Variants in ZNF410 observed in about 807,000 individuals in gnomAD.
The protein encoded by ZNF410 is zinc finger protein 410.
A neutral mutation model predicts 54.8 loss-of-function variants in ZNF410; 18 were observed. That is an observed-to-expected ratio of 0.33 (90% CI 0.23 to 0.49). The LOEUF is 0.49. ZNF410 is among the 20% of genes least tolerant of loss of function. ZNF410 has a pLI of 0.99. For synonymous variants in ZNF410, 191 were observed against 207.3 expected, an observed-to-expected ratio of 0.92 and a Z score of 0.68; for missense variants, 405 against 569.6, an observed-to-expected ratio of 0.71 and a Z score of 2.94.
intron 5 of ZNF410, chr14:73,898,484 G>A (rs956430340): frequency 1.2e-5 from 7 of 577,796 alleles, no homozygotes; most frequent in Non-Finnish European, 2.1e-5. Flanking sequence ...TTTAAATAAT[G>A]TACAGAGCCC....
At chr14:73,925,297 T>C (rs1184862657) in intron 11 of ZNF410, among the ~76,000 whole-genome samples, 1 of 152,196 alleles carries the variant, frequency 6.6e-6, no homozygotes, top group African/African-American at 2.4e-5. Context: ...ATTTTTCTTG[T>C]CTTCATTTTT....
chr14:73,905,228 G>T (rs909027339), intron 7 of ZNF410, 145 bp downstream of exon 7: 11 of 776,716 alleles, frequency 1.4e-5, no homozygotes, highest in Non-Finnish European at 2.2e-5. Flanking sequence ...TTTTTCAAAT[G>T]ACTTGTTGCA....
At chr14:73,920,268 T>A (rs1485074507) in intron 8 of ZNF410, 2 of 152,144 alleles carry the variant, frequency 1.3e-5, no homozygotes, top group Admixed American at 1.3e-4. Flanking sequence ...TACTTAAAAA[T>A]CCTTATTTCC....
At chr14:73,901,933 CAA>C (rs200015374) in intron 5 of ZNF410, among the ~76,000 whole-genome samples, 5 of 126,312 alleles carry the variant, frequency 4.0e-5, no homozygotes, top group African/African-American at 3.0e-5. Flanking sequence ...GACCCTGTCT[CAA>C]AAAAAAAAAA....
intron 7 of ZNF410, among the ~76,000 whole-genome samples, chr14:73,908,864 GTC>G (rs754706987): frequency 2.0e-5 from 3 of 151,926 alleles, no homozygotes; most frequent in African/African-American, 4.8e-5. Flanking sequence ...TTGAGACAGG[GTC>G]TCTCTCTCTG....
intron 8 of ZNF410, chr14:73,914,373 C>T (rs1029960896): frequency 6.6e-6 from 1 of 152,306 alleles, no homozygotes; most frequent in Non-Finnish European, 1.5e-5. Flanking sequence ...GGGTTTTCAC[C>T]ATGTTGGCCA....
At chr14:73,919,651 G>C (rs2055724978) in intron 8 of ZNF410, among the ~76,000 whole-genome samples, 1 of 152,192 alleles carries the variant, frequency 6.6e-6, no homozygotes, top group African/African-American at 2.4e-5. Context: ...GTATTTCATG[G>C]TGTGTATGTG....
chr14:73,895,062 A>G (rs1488044454), intron 3 of ZNF410, among the ~76,000 whole-genome samples: 1 of 152,112 alleles, frequency 6.6e-6, no homozygotes, highest in Non-Finnish European at 1.5e-5. Flanking sequence ...AGGTGGGAAG[A>G]TCACTTGAGC....
At chr14:73,922,829 G>A (rs1017351467) in intron 10 of ZNF410, 4 of 152,206 alleles carry the variant, frequency 2.6e-5, no homozygotes, top group Non-Finnish European at 5.9e-5. Flanking sequence ...AGAACATTGA[G>A]TACATAAAAG....
rs1183667131 is a variant in ZNF410 at position 73,903,760 on chromosome 14, C to T, written c.581-200C>T. 24 of 666,056 alleles carry T rather than the reference C, an allele frequency of 3.6e-5. No individual in the cohort carries two copies. In the Middle Eastern group the frequency reaches 1.3e-3, roughly 35 times the overall value. 41.3% of individuals were successfully genotyped at this position (666,056 alleles called of 1,614,324 possible). On this transcript the variant is annotated intron_variant, in intron 5 of 11. Transcript: ENST00000555044. ...AAGCAGTCCTCCCACCTTGGCTTCC[C>T]AAAGTGCTTGGGATTATAGGTGTGA...
chr14:73,915,296 G>A (rs2055647645), intron 8 of ZNF410, among the ~76,000 whole-genome samples: 1 of 147,188 alleles, frequency 6.8e-6, no homozygotes, highest in South Asian at 2.1e-4. Flanking sequence ...ACGTATCCTT[G>A]TCTTTTTCCC....
At chr14:73,896,693 AGG>A in intron 4 of ZNF410, 159 bp downstream of exon 4, 1 of 626,544 alleles carries the variant, frequency 1.6e-6, no homozygotes, top group Non-Finnish European at 2.7e-6. Flanking sequence ...GTAGAGGGAG[AGG>A]GAGGACTCTA....
chr14:73,901,653 C>T (rs748372857), intron 5 of ZNF410, among the ~76,000 whole-genome samples: 27 of 150,398 alleles, frequency 1.8e-4, no homozygotes, highest in Non-Finnish European at 1.9e-4. Context: ...TTTTTTTGGC[C>T]GGTGCAGTGG....
intron 1 of ZNF410, among the ~76,000 whole-genome samples, chr14:73,890,635 T>C (rs552043886): frequency 6.6e-6 from 1 of 152,310 alleles, no homozygotes; most frequent in African/African-American, 2.4e-5. Flanking sequence ...TGCTCCCAAT[T>C]TTAGTAACAA....
At chr14:73,891,835 A>G (rs2055234805) in intron 1 of ZNF410, 192 bp from the exon 2 acceptor site, 4 of 583,274 alleles carry the variant, frequency 6.9e-6, no homozygotes, top group Non-Finnish European at 1.2e-5. Flanking sequence ...GAAATACTGC[A>G]TCAAAGCGTA....
rs552235026 is a variant in ZNF410 at position 73,926,173 on chromosome 14, CTCT to C, written c.1398+2652_1398+2654del. Among the ~76,000 whole-genome samples the C allele has an allele frequency of 2.6e-5, 4 of 152,216 alleles. No homozygotes were observed. The South Asian group carries it at 8.3e-4, about 32-fold the overall frequency. ...CTTCTGTATATATTTCAGTATATGC[CTCT>C]AACAAGATACAATATTAAAAACTAT... On this transcript the variant is annotated intron_variant, in intron 11 of 11. Coordinates refer to ENST00000555044, the MANE Select transcript of ZNF410 (RefSeq NM_021188.3).
Position 73,932,193 on chromosome 14 carries a change from ATTT to A in ZNF410, c.*653_*655del. On this transcript the variant is annotated 3_prime_UTR_variant, in exon 12 of 12. Coordinates refer to ENST00000555044, the MANE Select transcript of ZNF410 (RefSeq NM_021188.3). Reference sequence around the variant, plus strand: ...AACATACAGTAGCATGTTAAGAGGGATTTCATGTTTTTGTTTTTTTAAAGTTAA... The same window carrying A: ...AACATACAGTAGCATGTTAAGAGGGACATGTTTTTGTTTTTTTAAAGTTAA... The A allele has an allele frequency of 3.0e-6, 1 of 338,764 alleles. No homozygotes were observed. The highest frequency in any genetic ancestry group is 5.7e-6 in the Non-Finnish European group (1 of 175,638). 21.0% of individuals were successfully genotyped at this position (338,764 alleles called of 1,614,324 possible).
intron 8 of ZNF410, chr14:73,913,255 A>C (rs2140314562): frequency 6.6e-6 from 1 of 152,304 alleles, no homozygotes; most frequent in Middle Eastern, 3.4e-3. Context: ...GAAAAGTAAC[A>C]GGCAAGGCAA....
In ZNF410 at chr14:73,904,968, G is replaced by A; in HGVS notation, c.798G>A (p.Leu266=). Reference sequence around the variant, plus strand: ...AAAGCTTCTATGTGCTGCAGAGGCTGAAGGTGCACATGAGGACCCACAATG... The same window carrying A: ...AAAGCTTCTATGTGCTGCAGAGGCTAAAGGTGCACATGAGGACCCACAATG... ...CGKSFYVLQR[L]KVHMRTHNGE... The change falls in exon 7 of 12, where the codon CTG becomes CTA. Residue 266 remains leucine, a synonymous_variant. Transcript: ENST00000555044. 1 of 1,614,230 alleles carries A rather than the reference G, an allele frequency of 6.2e-7. No homozygotes were observed. The highest frequency in any genetic ancestry group is 1.1e-5 in the South Asian group (1 of 91,088).
Sources: allele counts gnomAD v4.1 joint callset (sites outside exome capture counted in the v4.1 genomes callset), GRCh38; gene constraint gnomAD v4.1.1; transcripts MANE v1.5; gene names NCBI Gene and HGNC (gene_info 2026-07-23, HGNC 2026-07-21).